The following PDGFA variants were observed in gnomAD, a reference collection of about 807,000 sequenced individuals.
PDGFA encodes platelet-derived growth factor subunit A.
In PDGFA, 9 loss-of-function variants were observed where a neutral mutation model predicts 25.6. The ratio of observed to expected loss-of-function variants is 0.35; its 90% CI spans 0.21 to 0.61. PDGFA has a LOEUF of 0.61. Ranked by LOEUF, PDGFA falls within the 20% of genes least tolerant of loss-of-function variation. The probability of loss-of-function intolerance (pLI) is 0.75; values close to 1 mark genes in which losing one functional copy is unlikely to be tolerated. For synonymous variants in PDGFA, 133 were observed against 111.8 expected, an observed-to-expected ratio of 1.19 and a Z score of -1.20; for missense variants, 242 against 272.8, an observed-to-expected ratio of 0.89 and a Z score of 0.79.
intron 4 of PDGFA, among the ~76,000 whole-genome samples, chr7:507,761 G>A (rs981593220): frequency 6.6e-5 from 10 of 152,146 alleles, no homozygotes; most frequent in African/African-American, 9.7e-5. Context: ...CAGAAACTGC[G>A]CCCCAGGGAG....
intron 1 of PDGFA, among the ~76,000 whole-genome samples, chr7:518,724 C>T (rs1292221906): frequency 6.6e-6 from 1 of 152,228 alleles, no homozygotes; most frequent in Non-Finnish European, 1.5e-5. Context: ...CGCTGCTCCC[C>T]GGTCCCCCCG....
At chr7:505,057 G>A (rs1782501784) in intron 4 of PDGFA, among the ~76,000 whole-genome samples, 1 of 152,226 alleles carries the variant, frequency 6.6e-6, no homozygotes, top group Admixed American at 6.5e-5. Flanking sequence ...GAGTATGCCA[G>A]GATTCCGGGC....
At position 512,414 on chromosome 7, in the gene PDGFA, C is replaced by A. The variant is rs568655802; in HGVS notation, c.202G>T (p.Val68Phe). ...TCGGGCACATGCTTAGTGGCATGGA[C>A]CCCGTGAGCTCTCAGGCTGGTGTCC... The change falls in exon 3 of 6, where the codon GTC becomes TTC. Residue 68 changes from valine (V) to phenylalanine (F), a missense_variant. By Grantham distance (50) the Val-to-Phe change is conservative. Around this residue, in one of 5 missense-constraint regions of PDGFA, gnomAD observed 113 missense variants for 98.3 expected, o/e 1.15. Transcript: ENST00000402802. The A allele has an allele frequency of 1.1e-5, 18 of 1,613,820 alleles. No individual in the cohort carries two copies. In the East Asian group the frequency reaches 3.3e-4, roughly 30 times the overall value.
intron 4 of PDGFA, among the ~76,000 whole-genome samples, chr7:502,872 T>C (rs928971805): frequency 2.7e-5 from 4 of 149,958 alleles, no homozygotes; most frequent in Non-Finnish European, 5.9e-5. Context: ...ACCTGTATAA[T>C]GCACACACAT....
upstream of PDGFA, among the ~76,000 whole-genome samples, chr7:519,682 C>A (rs1301485424): frequency 6.9e-6 from 1 of 145,594 alleles, no homozygotes; most frequent in East Asian, 2.0e-4. Flanking sequence ...CGCCTGGCAG[C>A]CACCACCCGC....
intron 2 of PDGFA, chr7:512,973 A>C: frequency 4.7e-6 from 1 of 211,240 alleles, no homozygotes; most frequent in East Asian, 1.1e-4. Flanking sequence ...TCACTAAAGC[A>C]CTCCTGGAAG....
exon 6 of PDGFA, chr7:497,950 A>AAC (rs1782140702): frequency 8.8e-6 from 1 of 113,322 alleles, no homozygotes; most frequent in Non-Finnish European, 1.9e-5. Flanking sequence ...AAAAAAAAAA[A>AAC]AAAAAAAACA....
At position 501,100 on chromosome 7, in the gene PDGFA, G is replaced by A. The variant is rs763423914; in HGVS notation, c.580+16C>T. On this transcript the variant is annotated intron_variant, in intron 5 of 5. Coordinates refer to ENST00000402802, the Ensembl canonical transcript of PDGFA. ...CCTGTTCTCCAACACCGATGCCGAC[G>A]AAGGCAGCCACTCACCCGTGTCCTC... 9 of 1,614,182 alleles carry A rather than the reference G, an allele frequency of 5.6e-6. No individual in the cohort carries two copies. The highest frequency in any genetic ancestry group is 1.3e-5 in the African/African-American group (1 of 75,076).
At chr7:503,119 C>T (rs1782420882) in intron 4 of PDGFA, among the ~76,000 whole-genome samples, 1 of 152,168 alleles carries the variant, frequency 6.6e-6, no homozygotes, top group Non-Finnish European at 1.5e-5. Context: ...AGACTGGCAC[C>T]TCCATTTACA....
chr7:511,900 T>C (rs13308171), intron 3 of PDGFA, among the ~76,000 whole-genome samples: 60,324 of 152,024 alleles, frequency 0.4, 12,460 homozygotes, highest in Middle Eastern at 0.55. Context: ...GGTGAGGGTG[T>C]CGGGGGGCAG....
chr7:512,148 G>A (rs1237561873), intron 3 of PDGFA, among the ~76,000 whole-genome samples: 1 of 152,220 alleles, frequency 6.6e-6, no homozygotes, highest in African/African-American at 2.4e-5. Context: ...CACCCTCGAA[G>A]GAGGGAGGCC....
intron 2 of PDGFA, among the ~76,000 whole-genome samples, chr7:514,962 C>T (rs1241727983): frequency 6.7e-6 from 1 of 149,852 alleles, no homozygotes; most frequent in Non-Finnish European, 1.5e-5. Flanking sequence ...AGTCAAGGAG[C>T]GGCCAAGACC....
intron 4 of PDGFA, among the ~76,000 whole-genome samples, chr7:505,066 G>A (rs1782502296): frequency 1.3e-5 from 2 of 152,228 alleles, no homozygotes; most frequent in South Asian, 4.1e-4. Context: ...AGGATTCCGG[G>A]CCGTTCCGCC....
In PDGFA at chr7:517,337, C is replaced by A. The variant is rs1480888155; in HGVS notation, c.160+57G>T. 3 of 791,234 alleles carry A rather than the reference C, an allele frequency of 3.8e-6. No homozygotes were observed. Among genetic ancestry groups the A allele is most frequent in the African/African-American group, 1.9e-5 (1 of 53,288 alleles). The allele number at this position is 791,234 out of a possible 1,614,324, so 49.0% of individuals were successfully genotyped here. On this transcript the variant is annotated intron_variant, in intron 2 of 5. Transcript: ENST00000402802. The surrounding 1 kb of genome is among the most constrained non-coding windows in gnomAD (Gnocchi z 7.4). ...CGCCCCGCCCGGCCCCAGCTCGGGG[C>A]GCACAGGCCGCCCGCCCGCGCCCTC...
Position 500,576 on chromosome 7 carries a change from A to G in PDGFA, c.580+540T>C. The G allele has an allele frequency of 6.2e-7, 1 of 1,608,584 alleles. No homozygotes were observed. The highest frequency in any genetic ancestry group is 8.5e-7 in the Non-Finnish European group (1 of 1,178,170). On this transcript the variant is annotated intron_variant, in intron 5 of 5. Coordinates refer to ENST00000402802, the Ensembl canonical transcript of PDGFA. The surrounding 1 kb of genome is among the most constrained non-coding windows in gnomAD (Gnocchi z 5.0). ...TGAAGAACTGAAGCAACAAATACCT[A>G]CGGCATTTGTTTATCTTTCCAGAAG...
intron 2 of PDGFA, among the ~76,000 whole-genome samples, chr7:513,739 A>G (rs958730315): frequency 2.6e-5 from 4 of 152,164 alleles, no homozygotes; most frequent in Admixed American, 6.5e-5. Context: ...ACTATCCACA[A>G]ACCAACCGGA....
intron 4 of PDGFA, among the ~76,000 whole-genome samples, chr7:502,268 G>A (rs909918948): frequency 6.9e-6 from 1 of 145,348 alleles, no homozygotes; most frequent in African/African-American, 2.5e-5. Flanking sequence ...GGAATGGGGG[G>A]TTCGTGGCTG....
At chr7:497,759 T>C (rs879278894) in exon 6 of PDGFA, 2 of 151,348 alleles carry the variant, frequency 1.3e-5, no homozygotes, top group Non-Finnish European at 2.9e-5. Context: ...ACCATGTTTA[T>C]TTTAATACAT....
intron 2 of PDGFA, among the ~76,000 whole-genome samples, chr7:514,907 C>T (rs571670049): frequency 2.6e-5 from 4 of 152,352 alleles, no homozygotes; most frequent in African/African-American, 4.8e-5. Flanking sequence ...GCTTGGGCTC[C>T]GGGAGGATGG....
Sources: gnomAD v4.1 joint callset for allele counts (sites outside exome capture counted in the v4.1 genomes callset) on GRCh38, gnomAD v4.1.1 for gene constraint, gnomAD v4.1.1 regional missense constraint, Gnocchi (gnomAD v3.1) non-coding constraint, MANE v1.5 for transcripts, NCBI Gene and HGNC (gene_info 2026-07-23, HGNC 2026-07-21) for gene names.